Variants in SGCZ observed in about 807,000 individuals in gnomAD.
SGCZ encodes sarcoglycan zeta.
SGCZ carries 40 observed loss-of-function variants against 41.3 expected under a neutral mutation model. The ratio of observed to expected loss-of-function variants is 0.97; its 90% CI spans 0.75 to 1.26. The LOEUF (loss-of-function observed/expected upper bound fraction) is 1.26. SGCZ is among the 50% of genes most tolerant of loss of function. SGCZ has a pLI of 0.00. For synonymous variants in SGCZ, 206 were observed against 137.5 expected (o/e 1.50, Z -3.49); for missense variants, 552 against 369.8 (o/e 1.49, Z -4.04).
chr8:15,203,271 T>A (rs1800955263), intron 1 of SGCZ, among the ~76,000 whole-genome samples: 1 of 152,214 alleles, frequency 6.6e-6, no homozygotes. Flanking sequence ...AAATCTATAT[T>A]CTAAAAGTTT....
At chr8:14,103,035 A>T (rs1463218383) in intron 6 of SGCZ, among the ~76,000 whole-genome samples, 1 of 152,208 alleles carries the variant, frequency 6.6e-6, no homozygotes, top group Non-Finnish European at 1.5e-5. Flanking sequence ...CACCTCTAGA[A>T]ACTGATTAAA....
intron 1 of SGCZ, among the ~76,000 whole-genome samples, chr8:14,909,720 C>T (rs1195839371): frequency 1.3e-5 from 2 of 152,022 alleles, no homozygotes; most frequent in African/African-American, 2.4e-5. Context: ...TTTGCATCAA[C>T]ACCAATTTGG....
At chr8:14,355,151 G>T (rs780385320) in intron 2 of SGCZ, among the ~76,000 whole-genome samples, 2 of 151,722 alleles carry the variant, frequency 1.3e-5, no homozygotes, top group Admixed American at 6.6e-5. Flanking sequence ...TACACATTTT[G>T]TTCATTCCCA....
At chr8:14,650,801 A>C (rs888195559) in intron 1 of SGCZ, among the ~76,000 whole-genome samples, 11 of 152,084 alleles carry the variant, frequency 7.2e-5, no homozygotes, top group African/African-American at 2.7e-4. Context: ...TCATTATCAC[A>C]GTAATATTAC....
At chr8:14,323,329 GA>G (rs903298156) in intron 3 of SGCZ, among the ~76,000 whole-genome samples, 197 of 151,934 alleles carry the variant, frequency 1.3e-3, no homozygotes, top group Admixed American at 5.3e-3. Flanking sequence ...TCACATTTAT[GA>G]AAAAAGTATA....
intron 2 of SGCZ, among the ~76,000 whole-genome samples, chr8:14,392,196 A>G (rs1477765363): frequency 2.6e-5 from 4 of 152,178 alleles, no homozygotes; most frequent in African/African-American, 9.7e-5. Flanking sequence ...TTTAATGCAT[A>G]GCTTGTTCTC....
intron 3 of SGCZ, among the ~76,000 whole-genome samples, chr8:14,263,050 T>C (rs982195871): frequency 2.6e-5 from 4 of 152,316 alleles, no homozygotes; most frequent in South Asian, 2.1e-4. Context: ...AATAAGATTA[T>C]TTTGGAATTG....
chr8:14,882,673 C>T (rs1346797732), intron 1 of SGCZ, among the ~76,000 whole-genome samples: 1 of 152,096 alleles, frequency 6.6e-6, no homozygotes, highest in Non-Finnish European at 1.5e-5. Flanking sequence ...TTCTCAAATC[C>T]CATTGTTTGA....
intron 5 of SGCZ, among the ~76,000 whole-genome samples, chr8:14,142,199 G>C (rs1403312770): frequency 6.6e-6 from 1 of 152,122 alleles, no homozygotes; most frequent in Non-Finnish European, 1.5e-5. Flanking sequence ...GATAGCACTG[G>C]GAGAAGTGCC....
intron 1 of SGCZ, among the ~76,000 whole-genome samples, chr8:14,635,444 C>T (rs1419769273): frequency 6.6e-6 from 1 of 151,780 alleles, no homozygotes; most frequent in Non-Finnish European, 1.5e-5. Flanking sequence ...GTGTATAAAG[C>T]CAAGTGTTAT....
intron 1 of SGCZ, among the ~76,000 whole-genome samples, chr8:15,157,185 T>A (rs1430653376): frequency 6.6e-6 from 1 of 152,088 alleles, no homozygotes; most frequent in Non-Finnish European, 1.5e-5. Context: ...TGATGACATT[T>A]TATACTTACC....
Position 14,400,078 on chromosome 8 carries a change from G to T in SGCZ, c.235-75874C>A, listed in dbSNP as rs79765748. Among the ~76,000 whole-genome samples the T allele has an allele frequency of 2.3e-3, 344 of 151,684 alleles. 2 individuals are homozygous for T. The highest frequency in any genetic ancestry group is 8.1e-3 in the African/African-American group (336 of 41,382). The stretch of plus-strand genomic sequence containing the variant: ...ATCTACTTTATGTCTCTATATATTT[G>T]CTTATTCTGAACATTTTGCATAAAT... On this transcript the variant is annotated intron_variant, in intron 2 of 7. Transcript: ENST00000382080.
intron 1 of SGCZ, among the ~76,000 whole-genome samples, chr8:15,044,760 G>A (rs1804241081): frequency 6.6e-6 from 1 of 152,088 alleles, no homozygotes; most frequent in African/African-American, 2.4e-5. Flanking sequence ...CCTGTGGCCT[G>A]GTGAGGGGTG....
At chr8:14,558,666 GA>G (rs968359628) in intron 1 of SGCZ, among the ~76,000 whole-genome samples, 1 of 147,816 alleles carries the variant, frequency 6.8e-6, no homozygotes, top group Non-Finnish European at 1.5e-5. Context: ...CCAAAACCAG[GA>G]AAGGACATAA....
intron 1 of SGCZ, among the ~76,000 whole-genome samples, chr8:14,747,955 A>G (rs1156460411): frequency 6.7e-6 from 1 of 149,166 alleles, no homozygotes; most frequent in Non-Finnish European, 1.5e-5. Context: ...TGAACTCCTG[A>G]ACTCAGGTGA....
chr8:14,702,231 T>C (rs767772261), intron 1 of SGCZ, among the ~76,000 whole-genome samples: 2 of 151,974 alleles, frequency 1.3e-5, no homozygotes, highest in Non-Finnish European at 2.9e-5. Context: ...TGATTTCCAC[T>C]TGGAAATCTC....
chr8:15,071,667 T>C (rs1159537324), intron 1 of SGCZ, among the ~76,000 whole-genome samples: 1 of 152,168 alleles, frequency 6.6e-6, no homozygotes, highest in African/African-American at 2.4e-5. Flanking sequence ...ACTTCTGAAA[T>C]GTAATGGTGT....
intron 1 of SGCZ, among the ~76,000 whole-genome samples, chr8:14,665,916 T>C (rs575301180): frequency 1.8e-4 from 27 of 152,320 alleles, no homozygotes; most frequent in African/African-American, 5.8e-4. Context: ...TCATTTTTAG[T>C]AAATTTAAAC....
At chr8:14,220,808 A>AACAAAC (rs1331052230) in intron 4 of SGCZ, among the ~76,000 whole-genome samples, 1 of 151,658 alleles carries the variant, frequency 6.6e-6, no homozygotes, top group Non-Finnish European at 1.5e-5. Context: ...CAAACAAACA[A>AACAAAC]AATAATCGGA....
Sources: gnomAD v4.1 joint callset for allele counts (sites outside exome capture counted in the v4.1 genomes callset) on GRCh38, gnomAD v4.1.1 for gene constraint, MANE v1.5 for transcripts, NCBI Gene and HGNC (gene_info 2026-07-23, HGNC 2026-07-21) for gene names.